Variants in DIS3L2 observed in about 807,000 individuals in gnomAD.
DIS3L2 encodes DIS3-like exonuclease 2.
In DIS3L2, 34 loss-of-function variants were observed where a neutral mutation model predicts 97.5. The ratio of observed to expected loss-of-function variants is 0.35; its 90% confidence interval spans 0.27 to 0.46. DIS3L2 has a LOEUF of 0.46. Among genes scored for constraint, DIS3L2 ranks in the 20% least tolerant of loss-of-function variants. The pLI is 1.00. For synonymous variants in DIS3L2, 435 were observed against 445.2 expected (o/e 0.98, Z 0.29); for missense variants, 1,038 against 1,146.0 (o/e 0.91, Z 1.36).
At chr2:232,106,107 T>C (rs1574879611) in intron 6 of DIS3L2, among the ~76,000 whole-genome samples, 2 of 152,170 alleles carry the variant, frequency 1.3e-5, no homozygotes. Flanking sequence ...CATCTACTGA[T>C]CCCACTCTGT....
rs1161138288 is a variant in DIS3L2, at chr2:232,293,423, C to T, written c.1660-6617C>T. On this transcript the variant is annotated intron_variant, in intron 13 of 20. Transcript: ENST00000325385. This position sits in a 1 kb window ranked among gnomAD's most constrained non-coding sequence, Gnocchi z 4.6. ...TCTGGGGGAAATACCTCTGGCATTCCAGCGAAGGGGAAAACAAAAGATCAG... is the reference window on the plus strand; with the variant it reads ...TCTGGGGGAAATACCTCTGGCATTCTAGCGAAGGGGAAAACAAAAGATCAG... Among the ~76,000 whole-genome samples, 2 of 152,152 alleles carry T rather than the reference C, an allele frequency of 1.3e-5. No individual in the cohort carries two copies. The highest frequency in any genetic ancestry group is 2.9e-5 in the Non-Finnish European group (2 of 68,016).
chr2:231,972,001 A>G (rs1476345063), intron 1 of DIS3L2, among the ~76,000 whole-genome samples: 3 of 149,094 alleles, frequency 2.0e-5, no homozygotes, highest in Non-Finnish European at 4.5e-5. Context: ...CCTGGCCAAC[A>G]TGGTGAAACC....
chr2:231,969,499 C>T lies in DIS3L2; in HGVS notation c.-94+7734C>T, dbSNP rs148214755. Among the ~76,000 whole-genome samples the T allele has an allele frequency of 2.9e-3, 444 of 151,978 alleles. 1 individual carries two copies. The highest frequency in any genetic ancestry group is 4.5e-3 in the Non-Finnish European group (308 of 67,976). ...CTAATTTTTGTATTTTCAGTCGAGA[C>T]GGGGTTTCACCATGTTGGCCAGGCC... On this transcript the variant is annotated intron_variant, in intron 1 of 20. Coordinates refer to ENST00000325385, the MANE Select transcript of DIS3L2 (RefSeq NM_152383.5).
rs2106355327 is a variant in DIS3L2, at chr2:232,136,523, A to G, written c.754A>G (p.Lys252Glu). Reference sequence around the variant, plus strand: ...TTCTCGAGCAGCAACCGGCTTCCTCAAACTCTTGGCTGATAAGAACAGCGA... The same window carrying G: ...TTCTCGAGCAGCAACCGGCTTCCTCGAACTCTTGGCTGATAAGAACAGCGA... The part of the protein sequence containing the change: ...KHSRAATGFL[K>E]LLADKNSELF... Residue 252 changes from lysine to glutamate, a missense_variant, in exon 8 of 21, where the codon AAA becomes GAA. Transcript: ENST00000325385. 6.2e-7 allele frequency: 1 copy of G among 1,614,060 alleles called. No homozygotes were observed. Among genetic ancestry groups the G allele is most frequent in the Non-Finnish European group, 8.5e-7 (1 of 1,179,952 alleles).
chr2:232,130,763 C>T, intron 7 of DIS3L2, 44 bp downstream of exon 7: 2 of 1,607,296 alleles, frequency 1.2e-6, no homozygotes, highest in East Asian at 2.2e-5. Flanking sequence ...ATGGCTTTCA[C>T]CTGAGCTACT....
chr2:232,026,537 C>T (rs977792827), intron 4 of DIS3L2, among the ~76,000 whole-genome samples: 3 of 151,844 alleles, frequency 2.0e-5, no homozygotes, highest in Non-Finnish European at 2.9e-5. Flanking sequence ...GAGGCACCCC[C>T]ATTGAGGGGG....
At chr2:232,266,379 C>T (rs1693858936) in intron 13 of DIS3L2, among the ~76,000 whole-genome samples, 1 of 152,134 alleles carries the variant, frequency 6.6e-6, no homozygotes, top group African/African-American at 2.4e-5. Flanking sequence ...TTCAAATTGC[C>T]CTGTGTTCAC....
In DIS3L2 at chr2:232,136,567, C is replaced by T. The variant is rs1574902461; in HGVS notation, c.798C>T (p.Ala266=). 1 of 1,613,704 alleles carries T rather than the reference C, an allele frequency of 6.2e-7. No individual in the cohort carries two copies. The highest frequency in any genetic ancestry group is 1.7e-5 in the Admixed American group (1 of 59,960). ...DKNSELFRKY[A]LFSPSDHRVP... is the part of the protein sequence containing the mutation. ...ACAGCGAACTGTTTAGGAAATACGC[C>T]CTGTTTTCTCCCTCAGACCACCGAG... is the stretch of plus-strand genomic sequence containing the variant. The change falls in exon 8 of 21, where the codon GCC becomes GCT. Residue 266 remains alanine, a synonymous_variant. Coordinates refer to ENST00000325385, the MANE Select transcript of DIS3L2 (RefSeq NM_152383.5).
At chr2:232,061,047 T>C (rs753669620) in intron 5 of DIS3L2, among the ~76,000 whole-genome samples, 19 of 152,344 alleles carry the variant, frequency 1.2e-4, no homozygotes, top group Non-Finnish European at 1.8e-4. Flanking sequence ...AATAGTTTTT[T>C]GGTGGTTTTT....
At chr2:232,036,615 T>A (rs1262840052) in intron 5 of DIS3L2, among the ~76,000 whole-genome samples, 1 of 152,228 alleles carries the variant, frequency 6.6e-6, no homozygotes, top group Non-Finnish European at 1.5e-5. Context: ...GTTTTTGGAA[T>A]TTTCAGCCTT....
chr2:232,278,227 A>C (rs1337079272), intron 13 of DIS3L2, among the ~76,000 whole-genome samples: 2 of 152,056 alleles, frequency 1.3e-5, no homozygotes, highest in Non-Finnish European at 2.9e-5. Flanking sequence ...GAAAGGGCAC[A>C]TTTTACCATT....
chr2:232,094,780 A>C (rs1553606821), intron 6 of DIS3L2, among the ~76,000 whole-genome samples: 3 of 147,410 alleles, frequency 2.0e-5, no homozygotes, highest in Non-Finnish European at 3.0e-5. Flanking sequence ...ATTGGGGTCT[A>C]TCTCTCTCTC....
At chr2:232,069,756 CTA>C (rs1357552222) in intron 5 of DIS3L2, among the ~76,000 whole-genome samples, 2 of 152,256 alleles carry the variant, frequency 1.3e-5, no homozygotes, top group East Asian at 3.9e-4. Flanking sequence ...TCATCCTTCT[CTA>C]TGAGGAGAGA....
In DIS3L2 at chr2:232,336,634, C is replaced by T; in HGVS notation, c.*4C>T. On this transcript the variant is annotated 3_prime_UTR_variant, in exon 21 of 21. Transcript: ENST00000325385. ...CGAGGACTCAAGCACCAGCTGAGCT[C>T]CACCAGCCGCCTGCCCCGCCTGCCC... 1 of 1,568,452 alleles carries T rather than the reference C, an allele frequency of 6.4e-7. No homozygotes were observed. The highest frequency in any genetic ancestry group is 8.6e-7 in the Non-Finnish European group (1 of 1,161,298).
chr2:232,163,372 C>G (rs553467873), intron 8 of DIS3L2, 87 bp from the exon 9 acceptor site: 1 of 1,402,036 alleles, frequency 7.1e-7, no homozygotes, highest in Non-Finnish European at 9.6e-7. Flanking sequence ...TTTAAACTTT[C>G]CCACTACTTT....
At chr2:232,016,909 C>CCTCCCTCCCTCT (rs931087099) in intron 3 of DIS3L2, among the ~76,000 whole-genome samples, 1 of 139,300 alleles carries the variant, frequency 7.2e-6, no homozygotes, top group African/African-American at 2.6e-5. Context: ...CCCCTCCCTC[C>CCTCCCTCCCTCT]CTCCCTCCCT....
intron 3 of DIS3L2, among the ~76,000 whole-genome samples, chr2:232,023,346 G>A (rs1186968150): frequency 2.0e-5 from 3 of 152,144 alleles, no homozygotes; most frequent in African/African-American, 7.2e-5. Flanking sequence ...ACATGGTACA[G>A]TGCAGAAGGA....
intron 13 of DIS3L2, among the ~76,000 whole-genome samples, chr2:232,280,013 A>G (rs879678003): frequency 2.6e-5 from 4 of 152,128 alleles, no homozygotes; most frequent in Admixed American, 1.3e-4. Flanking sequence ...TTATCAATCT[A>G]TTTTATGGAT....
At chr2:232,237,131 A>G (rs1332966020) in intron 10 of DIS3L2, among the ~76,000 whole-genome samples, 3 of 152,208 alleles carry the variant, frequency 2.0e-5, no homozygotes, top group Non-Finnish European at 4.4e-5. Context: ...ATGTATATGT[A>G]TGTACGTATG....
Sources: gnomAD v4.1 joint callset for allele counts (sites outside exome capture counted in the v4.1 genomes callset) on GRCh38, gnomAD v4.1.1 for gene constraint, Gnocchi (gnomAD v3.1) non-coding constraint, MANE v1.5 for transcripts, NCBI Gene and HGNC (gene_info 2026-07-23, HGNC 2026-07-21) for gene names.